Variants in LPA observed in about 807,000 individuals in gnomAD.
The protein encoded by LPA is lipoprotein(a), also known as apolipoprotein(a).
LPA carries 199 observed loss-of-function variants against 197.9 expected under a neutral mutation model. The ratio of observed to expected loss-of-function variants is 1.01; its 90% CI spans 0.90 to 1.13. The LOEUF is 1.13. Ranked by LOEUF, LPA falls within the 50% of genes most tolerant of loss-of-function variation. The pLI, the probability that LPA is intolerant of heterozygous loss-of-function variation, is 0.00. For synonymous variants in LPA, 715 were observed against 639.5 expected, an observed-to-expected ratio of 1.12 and a Z score of -1.78; for missense variants, 1,853 against 1,785.8, an observed-to-expected ratio of 1.04 and a Z score of -0.68.
At chr6:160,599,291 C>T (rs564271764) in intron 20 of LPA, among the ~76,000 whole-genome samples, 3 of 152,156 alleles carry the variant, frequency 2.0e-5, no homozygotes, top group South Asian at 4.2e-4. Context: ...TGCAGTGAGC[C>T]GAGATCATGC....
In LPA at chr6:160,596,101, A is replaced by T. The variant is rs543956123; in HGVS notation, c.3288-566T>A. 2.0e-5 allele frequency among the ~76,000 whole-genome samples: 3 copies of T among 152,320 alleles called. No individual in the cohort carries two copies. The East Asian group carries it at 5.8e-4, about 29-fold the overall frequency. On this transcript the variant is annotated intron_variant, in intron 20 of 38. Coordinates refer to ENST00000316300, the MANE Select transcript of LPA (RefSeq NM_005577.4). The stretch of plus-strand genomic sequence containing the variant: ...CCTCAGGAATTGGCCCACATGATTA[A>T]CATTCCTGAATTTATTCACATACAA...
intron 1 of LPA, among the ~76,000 whole-genome samples, chr6:160,660,367 T>A (rs1780204417): frequency 6.6e-6 from 1 of 152,228 alleles, no homozygotes; most frequent in African/African-American, 2.4e-5. Flanking sequence ...ACTTGGGTAA[T>A]CTCTGGGGTT....
chr6:160,568,268 C>T (rs1359802013), intron 28 of LPA, among the ~76,000 whole-genome samples: 2 of 152,202 alleles, frequency 1.3e-5, no homozygotes, highest in Non-Finnish European at 2.9e-5. Flanking sequence ...AATCCAGCAG[C>T]ACATCAAAAA....
chr6:160,574,082 A>G (rs1458386484), intron 28 of LPA, among the ~76,000 whole-genome samples: 1 of 151,992 alleles, frequency 6.6e-6, no homozygotes, highest in African/African-American at 2.4e-5. Flanking sequence ...AAGCTTCTGT[A>G]TGGTGTGGGG....
At chr6:160,662,681 T>G (rs1780246246) in intron 1 of LPA, among the ~76,000 whole-genome samples, 1 of 152,156 alleles carries the variant, frequency 6.6e-6, no homozygotes, top group African/African-American at 2.4e-5. Context: ...AGACACCAAT[T>G]TCCCCAAAAA....
intron 2 of LPA, 45 bp from the exon 3 acceptor site, chr6:160,646,440 T>C (rs1215745333): frequency 7.4e-5 from 1 of 13,586 alleles, no homozygotes; most frequent in Admixed American, 3.6e-4. Context: ...TGGGACAACA[T>C]GCAGGGGCAC....
At chr6:160,569,204 AG>A (rs1487033623) in intron 28 of LPA, among the ~76,000 whole-genome samples, 6 of 152,234 alleles carry the variant, frequency 3.9e-5, no homozygotes, top group Non-Finnish European at 8.8e-5. Flanking sequence ...GCAAAGCTGG[AG>A]GCATCACTCT....
At position 160,586,761 on chromosome 6, in the gene LPA, A is replaced by G. The variant is rs7752726; in HGVS notation, c.3948-131T>C. On this transcript the variant is annotated intron_variant, in intron 24 of 38. Coordinates refer to ENST00000316300, the MANE Select transcript of LPA (RefSeq NM_005577.4). Reference sequence around the variant, plus strand: ...AATATTCTCACTAAAGTCCCATAACACTCACAAATGGTCCTCAACTTCTAA... The same window carrying G: ...AATATTCTCACTAAAGTCCCATAACGCTCACAAATGGTCCTCAACTTCTAA... 2.0e-4 allele frequency: 250 copies of G among 1,250,576 alleles called. No individual in the cohort carries two copies. The African/African-American group carries it at 3.1e-3, about 15-fold the overall frequency. The allele number at this position is 1,250,576 out of a possible 1,614,324, so 77.5% of individuals were successfully genotyped here. A position where few individuals can be genotyped will look rare whatever the true frequency, so the allele number is the denominator to read the frequency against.
At chr6:160,565,083 T>G (rs1292120274) in intron 28 of LPA, among the ~76,000 whole-genome samples, 6 of 151,574 alleles carry the variant, frequency 4.0e-5, no homozygotes, top group South Asian at 2.1e-4. Context: ...CTCTGTAGAC[T>G]CCACCTCTGG....
At chr6:160,560,672 T>C (rs1335929755) in intron 28 of LPA, among the ~76,000 whole-genome samples, 2 of 152,172 alleles carry the variant, frequency 1.3e-5, no homozygotes, top group African/African-American at 4.8e-5. Flanking sequence ...AAGTTGCTTG[T>C]ACATTCTAAA....
In LPA at chr6:160,606,652, C is replaced by G. The variant is rs775941303; in HGVS notation, c.2610G>C (p.Leu870Phe). 1 of 1,613,880 alleles carries G rather than the reference C, an allele frequency of 6.2e-7. No individual in the cohort carries two copies. The highest frequency in any genetic ancestry group is 1.1e-5 in the South Asian group (1 of 91,064). ...CTGGATTCCTGCAGTAGTTCATGATCAAGCCACTGGAAATTCCAAAACGAT... is the reference window on the plus strand; with the variant it reads ...CTGGATTCCTGCAGTAGTTCATGATGAAGCCACTGGAAATTCCAAAACGAT... ...RTPEYYPNAG[L>F]IMNYCRNPDP... Residue 870 changes from leucine (L) to phenylalanine (F), a missense_variant, in exon 17 of 39, where the codon TTG becomes TTC. Physicochemically the swap from Leu to Phe is conservative, Grantham distance 22. Around this residue, in one of 3 missense-constraint regions of LPA, gnomAD observed 1,737 missense variants for 1,504.4 expected, o/e 1.15. Transcript: ENST00000316300.
At chr6:160,564,848 A>G (rs1778423346) in intron 28 of LPA, among the ~76,000 whole-genome samples, 1 of 152,180 alleles carries the variant, frequency 6.6e-6, no homozygotes, top group Non-Finnish European at 1.5e-5. Flanking sequence ...AGGAGATTAT[A>G]TCCTGCACAT....
In LPA at chr6:160,578,507, A is replaced by G; in HGVS notation, c.4471+16T>C. ...TTTCATCCCAGTATATAGATGTCTAACCACAAATTTCTTACCTTGTTCAGA... is the reference window on the plus strand; with the variant it reads ...TTTCATCCCAGTATATAGATGTCTAGCCACAAATTTCTTACCTTGTTCAGA... On this transcript the variant is annotated intron_variant, in intron 27 of 38. Transcript: ENST00000316300. 6.2e-7 allele frequency: 1 copy of G among 1,613,692 alleles called. No individual in the cohort carries two copies. The highest frequency in any genetic ancestry group is 8.5e-7 in the Non-Finnish European group (1 of 1,179,654).
intron 28 of LPA, among the ~76,000 whole-genome samples, chr6:160,571,568 C>T: frequency 6.6e-6 from 1 of 152,170 alleles, no homozygotes; most frequent in Non-Finnish European, 1.5e-5. Context: ...CAGAGATGCC[C>T]TGCCCAGAGA....
chr6:160,564,919 G>C (rs149276532), intron 28 of LPA, among the ~76,000 whole-genome samples: 1 of 152,252 alleles, frequency 6.6e-6, no homozygotes, highest in African/African-American at 2.4e-5. Context: ...GTCTGAGATT[G>C]AACTGCTAGC....
intron 2 of LPA, among the ~76,000 whole-genome samples, chr6:160,649,961 C>A (rs2115098116): frequency 6.6e-6 from 1 of 152,220 alleles, no homozygotes; most frequent in Middle Eastern, 3.4e-3. Context: ...TACTTGTGAG[C>A]CAAGACAGAA....
At chr6:160,555,990 T>C in intron 30 of LPA, 35 bp downstream of exon 30, 1 of 1,498,578 alleles carries the variant, frequency 6.7e-7, no homozygotes, top group Non-Finnish European at 9.3e-7. Flanking sequence ...TTAAGTTGGC[T>C]GTTGCTCCTC....
intron 2 of LPA, among the ~76,000 whole-genome samples, chr6:160,647,404 T>G (rs1279447397): frequency 6.6e-6 from 1 of 151,990 alleles, no homozygotes; most frequent in Non-Finnish European, 1.5e-5. Context: ...CCTGAGAAAA[T>G]GGGAAATGTA....
chr6:160,633,989 A>C, intron 7 of LPA, 77 bp from the exon 8 acceptor site: 1 of 1,490,864 alleles, frequency 6.7e-7, no homozygotes, highest in Non-Finnish European at 9.2e-7. Flanking sequence ...TGACACAACC[A>C]GAAAGGAGTC....
Sources: gnomAD v4.1 joint callset for allele counts (sites outside exome capture counted in the v4.1 genomes callset) on GRCh38, gnomAD v4.1.1 for gene constraint, gnomAD v4.1.1 regional missense constraint, MANE v1.5 for transcripts, NCBI Gene and HGNC (gene_info 2026-07-23, HGNC 2026-07-21) for gene names.